Variants in TRPV3 observed in about 807,000 individuals in gnomAD.
TRPV3 encodes the protein transient receptor potential cation channel subfamily V member 3, also known as VRL-3.
Under a neutral mutation model 87.1 loss-of-function variants are expected in TRPV3, and 88 were observed. The observed-to-expected ratio is 1.01, with a 90% CI of 0.85 to 1.21. The LOEUF (loss-of-function observed/expected upper bound fraction) is 1.21. Among genes scored for constraint, TRPV3 ranks in the 50% most tolerant of loss-of-function variants. The probability of loss-of-function intolerance (pLI) is 0.00; values close to 1 mark genes in which losing one functional copy is unlikely to be tolerated. For missense variants in TRPV3, 1,054 were observed against 1,030.1 expected (o/e 1.02, Z -0.32); for synonymous variants, 438 against 423.3 (o/e 1.03, Z -0.43).
At chr17:3,546,709 GGCTC>G in intron 2 of TRPV3, 1 of 454,942 alleles carries the variant, frequency 2.2e-6, no homozygotes, top group Non-Finnish European at 4.4e-6. Context: ...CAGGTGTGGT[GGCTC>G]ATGCCTGTAA....
At chr17:3,552,636 C>T (rs1445549465) in intron 2 of TRPV3, 2 of 152,280 alleles carry the variant, frequency 1.3e-5, no homozygotes, top group Non-Finnish European at 2.9e-5. Flanking sequence ...ATGCCAAGCT[C>T]AGCCCTTGGC....
chr17:3,524,750 A>G (rs1292485485), intron 12 of TRPV3, among the ~76,000 whole-genome samples: 5 of 150,704 alleles, frequency 3.3e-5, no homozygotes, highest in African/African-American at 7.3e-5. Flanking sequence ...GATAGGAGAA[A>G]CGCTTCAGGC....
At chr17:3,541,551 G>A (rs1417630440) in intron 6 of TRPV3, among the ~76,000 whole-genome samples, 2 of 152,150 alleles carry the variant, frequency 1.3e-5, no homozygotes, top group Non-Finnish European at 2.9e-5. Flanking sequence ...GGATTTCCTG[G>A]GAGGGAGCCA....
intron 13 of TRPV3, among the ~76,000 whole-genome samples, chr17:3,523,531 C>T (rs1186197372): frequency 2.0e-5 from 3 of 152,020 alleles, no homozygotes; most frequent in Non-Finnish European, 4.4e-5. Context: ...CAATCCTGGC[C>T]AACATGCTGA....
intron 15 of TRPV3, among the ~76,000 whole-genome samples, chr17:3,517,245 C>G (rs1439913430): frequency 6.8e-6 from 1 of 148,012 alleles, no homozygotes; most frequent in African/African-American, 2.4e-5. Context: ...TGTCCCACCC[C>G]CTCCCAGGCT....
intron 13 of TRPV3, among the ~76,000 whole-genome samples, chr17:3,522,947 C>T (rs1194686604): frequency 6.6e-6 from 1 of 151,792 alleles, no homozygotes; most frequent in Non-Finnish European, 1.5e-5. Flanking sequence ...AAAAACATAG[C>T]ATATTATATA....
chr17:3,553,273 A>G (rs968922389), intron 2 of TRPV3: 6 of 152,650 alleles, frequency 3.9e-5, no homozygotes, highest in African/African-American at 1.4e-4. Context: ...AGGCCTCCTC[A>G]TGGTCTCCCT....
At chr17:3,533,429 A>G (rs1299400922) in intron 7 of TRPV3, among the ~76,000 whole-genome samples, 1 of 145,536 alleles carries the variant, frequency 6.9e-6, no homozygotes, top group South Asian at 2.2e-4. Context: ...CACCCTAACC[A>G]CTCTATTTAA....
chr17:3,520,910 AT>A, intron 14 of TRPV3, 62 bp downstream of exon 14: 1 of 1,204,206 alleles, frequency 8.3e-7, no homozygotes, highest in East Asian at 2.5e-5. Context: ...GCACTTTGCC[AT>A]TTTGACATCT....
chr17:3,526,393 G>A (rs1252596632), intron 12 of TRPV3, among the ~76,000 whole-genome samples: 2 of 151,988 alleles, frequency 1.3e-5, no homozygotes, highest in Non-Finnish European at 2.9e-5. Context: ...CAGGAGAATC[G>A]CTTGAACCTG....
At chr17:3,527,746 T>C in intron 11 of TRPV3, 1 of 461,346 alleles carries the variant, frequency 2.2e-6, no homozygotes, top group Non-Finnish European at 3.9e-6. Context: ...GGTGATCGGA[T>C]GGGTGGATGG....
chr17:3,526,933 G>T lies in TRPV3; in HGVS notation c.1504-6C>A, dbSNP rs1222335124. The T allele has an allele frequency of 6.2e-7, 1 of 1,609,342 alleles. No homozygotes were observed. Among genetic ancestry groups the T allele is most frequent in the Non-Finnish European group, 8.5e-7 (1 of 1,177,862 alleles). On this transcript the variant is annotated splice_region_variant and splice_polypyrimidine_tract_variant and intron_variant, in intron 11 of 17. Coordinates refer to ENST00000576742, the MANE Select transcript of TRPV3 (RefSeq NM_145068.4). ...AGCAGGAAGATGGCAATGCCCTAAG[G>T]CCAGGAAGGAAAGAAACAGTGCACC...
chr17:3,531,090 A>C (rs403173), intron 8 of TRPV3, among the ~76,000 whole-genome samples: 51,224 of 150,792 alleles, frequency 0.34, 11,034 homozygotes, highest in Non-Finnish European at 0.48. Context: ...AAACAAAAAA[A>C]CCAAAAATTC....
At chr17:3,521,674 T>C (rs2074247011) in intron 13 of TRPV3, among the ~76,000 whole-genome samples, 2 of 152,202 alleles carry the variant, frequency 1.3e-5, no homozygotes. Context: ...TATACAATTA[T>C]ATATGTCAGC....
chr17:3,516,494 A>G lies in TRPV3; in HGVS notation c.2161T>C (p.Cys721Arg), dbSNP rs1223787585. 4 of 1,614,000 alleles carry G rather than the reference A, an allele frequency of 2.5e-6. No individual in the cohort carries two copies. Among genetic ancestry groups the G allele is most frequent in the Non-Finnish European group, 3.4e-6 (4 of 1,180,028 alleles). ...CGGAAATCATCCTCGGCCACTTTGC[A>G]CAGCTCTCCCATCCGGAATCTGCTC... is the stretch of plus-strand genomic sequence containing the variant. ...LRSRFRMGELCKVAEDDFRLC... is the reference protein window; with the variant it reads ...LRSRFRMGELRKVAEDDFRLC... Residue 721 changes from cysteine to arginine, a missense_variant, in exon 16 of 18, where the codon TGC (cysteine) becomes CGC (arginine). Cys to Arg is a radical substitution (Grantham distance 180). Coordinates refer to ENST00000576742, the MANE Select transcript of TRPV3 (RefSeq NM_145068.4).
At chr17:3,547,424 C>T (rs926218806) in intron 2 of TRPV3, among the ~76,000 whole-genome samples, 3 of 152,134 alleles carry the variant, frequency 2.0e-5, no homozygotes, top group Non-Finnish European at 2.9e-5. Context: ...AGTTTGAGAC[C>T]AGCCTCGCCA....
At chr17:3,529,561 T>C (rs1301131545) in intron 9 of TRPV3, among the ~76,000 whole-genome samples, 1 of 151,856 alleles carries the variant, frequency 6.6e-6, no homozygotes, top group Non-Finnish European at 1.5e-5. Context: ...CACCGAACTC[T>C]CCCCTCTAGC....
intron 3 of TRPV3, 65 bp downstream of exon 3, chr17:3,545,102 C>T: frequency 8.3e-7 from 1 of 1,205,268 alleles, no homozygotes; most frequent in East Asian, 2.4e-5. Context: ...GGGCAAGTCA[C>T]TGGCCACATG....
At chr17:3,522,034 C>T (rs920275056) in intron 13 of TRPV3, among the ~76,000 whole-genome samples, 5 of 152,130 alleles carry the variant, frequency 3.3e-5, no homozygotes, top group Non-Finnish European at 7.4e-5. Flanking sequence ...CTAGATCGCA[C>T]CACTGCACTC....
Sources: gnomAD v4.1 joint callset for allele counts (sites outside exome capture counted in the v4.1 genomes callset) on GRCh38, gnomAD v4.1.1 for gene constraint, MANE v1.5 for transcripts, NCBI Gene and HGNC (gene_info 2026-07-23, HGNC 2026-07-21) for gene names.